Variants in ASIC2 observed in about 807,000 individuals in gnomAD.
ASIC2 encodes the protein acid sensing ion channel subunit 2, also known as acid-sensing ion channel 2.
In ASIC2, 25 loss-of-function variants were observed where a neutral mutation model predicts 57.3. That is an observed-to-expected ratio of 0.44 (90% CI 0.32 to 0.61). The LOEUF (loss-of-function observed/expected upper bound fraction) is 0.61. Ranked by LOEUF, ASIC2 falls within the 20% of genes least tolerant of loss-of-function variation. ASIC2 has a pLI of 0.06. For synonymous variants in ASIC2, 319 were observed against 307.5 expected (o/e 1.04, Z -0.39); for missense variants, 641 against 738.1 (o/e 0.87, Z 1.52).
At chr17:33,386,557 A>G (rs949047150) in intron 1 of ASIC2, among the ~76,000 whole-genome samples, 8 of 152,096 alleles carry the variant, frequency 5.3e-5, no homozygotes, top group African/African-American at 1.7e-4. Context: ...TCCCTCAATG[A>G]CTTTACTGCC....
intron 1 of ASIC2, among the ~76,000 whole-genome samples, chr17:33,561,615 C>A (rs1462143830): frequency 6.6e-6 from 1 of 152,180 alleles, no homozygotes; most frequent in Admixed American, 6.5e-5. Flanking sequence ...AGAACACCAT[C>A]CATTTTCTTA....
rs548759093 is a variant in ASIC2, at chr17:33,812,035, C to A, written c.555+343943G>T. On this transcript the variant is annotated intron_variant, in intron 1 of 9. Transcript: ENST00000359872. ...TTTTCTCTCCCTGTTCCTGCACCAC[C>A]GTGGGCACACTTTCATTATCAGATA... 3.9e-5 allele frequency among the ~76,000 whole-genome samples: 6 copies of A among 152,148 alleles called. No homozygotes were observed. In the South Asian group the frequency reaches 1.2e-3, roughly 32 times the overall value.
intron 1 of ASIC2, among the ~76,000 whole-genome samples, chr17:33,903,990 C>G (rs1174357444): frequency 2.0e-5 from 3 of 151,480 alleles, no homozygotes; most frequent in Non-Finnish European, 4.4e-5. Context: ...ATGGAGAAAC[C>G]CCGTCTCTAC....
intron 1 of ASIC2, among the ~76,000 whole-genome samples, chr17:33,321,266 T>A (rs141132320): frequency 6.6e-6 from 1 of 152,206 alleles, no homozygotes; most frequent in African/African-American, 2.4e-5. Flanking sequence ...ATTTAATAAA[T>A]GGATGATTAG....
At chr17:33,158,639 G>C (rs576595032) in intron 1 of ASIC2, among the ~76,000 whole-genome samples, 30 of 152,324 alleles carry the variant, frequency 2.0e-4, no homozygotes, top group African/African-American at 7.2e-4. Flanking sequence ...ATAAAACGCA[G>C]GCTGTGGAGC....
chr17:33,023,601 C>T (rs2091847403), intron 6 of ASIC2, among the ~76,000 whole-genome samples: 1 of 152,134 alleles, frequency 6.6e-6, no homozygotes. Flanking sequence ...CCTATGATAG[C>T]CAAAGTCACC....
chr17:33,726,669 A>G (rs1909571220), intron 1 of ASIC2, among the ~76,000 whole-genome samples: 1 of 151,858 alleles, frequency 6.6e-6, no homozygotes. Context: ...CAGCTGAAAA[A>G]CCCTGAGACA....
chr17:33,869,455 A>G (rs1280704463), intron 1 of ASIC2, among the ~76,000 whole-genome samples: 1 of 152,228 alleles, frequency 6.6e-6, no homozygotes, highest in Non-Finnish European at 1.5e-5. Flanking sequence ...TCATAGTACC[A>G]TTATTTATAA....
At chr17:33,014,152 G>A (rs189279345) in intron 9 of ASIC2, 86 bp from the exon 10 acceptor site, 12 of 1,067,328 alleles carry the variant, frequency 1.1e-5, no homozygotes, top group Admixed American at 2.0e-5. Flanking sequence ...TAGGCCCTGG[G>A]GAAGGTGCTC....
chr17:33,795,204 A>C (rs1450516778), intron 1 of ASIC2, among the ~76,000 whole-genome samples: 2 of 152,200 alleles, frequency 1.3e-5, no homozygotes, highest in African/African-American at 2.4e-5. Context: ...GGTCTGAGGC[A>C]CCTATTCCCT....
intron 1 of ASIC2, among the ~76,000 whole-genome samples, chr17:33,169,935 G>A (rs1462791041): frequency 6.6e-6 from 1 of 152,204 alleles, no homozygotes; most frequent in Non-Finnish European, 1.5e-5. Flanking sequence ...CCTCTCGGGT[G>A]ATGCCCTTTT....
chr17:33,413,379 G>T (rs545259355), intron 1 of ASIC2, among the ~76,000 whole-genome samples: 1 of 152,278 alleles, frequency 6.6e-6, no homozygotes, highest in East Asian at 1.9e-4. Flanking sequence ...CAATCAACAA[G>T]CTTTCTTAAA....
At chr17:33,166,023 G>A (rs180763081) in intron 1 of ASIC2, among the ~76,000 whole-genome samples, 176 of 152,240 alleles carry the variant, frequency 1.2e-3, no homozygotes, top group Middle Eastern at 3.4e-3. Context: ...CAATGTAGTG[G>A]ACACTGTAAT....
chr17:33,736,730 G>A (rs1196881578), intron 1 of ASIC2, among the ~76,000 whole-genome samples: 2 of 151,898 alleles, frequency 1.3e-5, no homozygotes, highest in African/African-American at 4.8e-5. Flanking sequence ...AGATCATTAG[G>A]GAGTGACCTT....
intron 1 of ASIC2, among the ~76,000 whole-genome samples, chr17:33,914,053 A>G (rs1915529744): frequency 6.6e-6 from 1 of 152,232 alleles, no homozygotes; most frequent in South Asian, 2.1e-4. Flanking sequence ...GGAATCATAA[A>G]TAAGGGAAAG....
chr17:34,119,881 TA>T (rs1176289320), intron 1 of ASIC2, among the ~76,000 whole-genome samples: 6 of 152,210 alleles, frequency 3.9e-5, no homozygotes, highest in Admixed American at 2.6e-4. Flanking sequence ...AGCACTAACG[TA>T]TATTATCCAA....
intron 1 of ASIC2, among the ~76,000 whole-genome samples, chr17:33,247,300 A>G (rs1908723626): frequency 6.6e-6 from 1 of 152,162 alleles, no homozygotes; most frequent in Non-Finnish European, 1.5e-5. Flanking sequence ...TACAACAAAA[A>G]ATTATATATT....
intron 1 of ASIC2, among the ~76,000 whole-genome samples, chr17:34,103,185 AC>A (rs1380202469): frequency 9.2e-5 from 14 of 152,028 alleles, no homozygotes; most frequent in Non-Finnish European, 1.8e-4. Flanking sequence ...TCATTTAGTC[AC>A]CCAGGTTGAA....
chr17:33,871,235 AG>A (rs1209209240), intron 1 of ASIC2, among the ~76,000 whole-genome samples: 1 of 152,218 alleles, frequency 6.6e-6, no homozygotes, highest in African/African-American at 2.4e-5. Flanking sequence ...GCACTCAGAG[AG>A]GGTGGACATC....
Sources: allele counts gnomAD v4.1 joint callset (sites outside exome capture counted in the v4.1 genomes callset), GRCh38; gene constraint gnomAD v4.1.1; transcripts MANE v1.5; gene names NCBI Gene and HGNC (gene_info 2026-07-23, HGNC 2026-07-21).